KCND2: variants seen among roughly 807,000 people sequenced by gnomAD.
KCND2 encodes A-type voltage-gated potassium channel KCND2.
Under a neutral mutation model 54.4 loss-of-function variants are expected in KCND2, and 16 were observed. The ratio of observed to expected loss-of-function variants is 0.29; its 90% CI spans 0.20 to 0.45. KCND2 has a LOEUF of 0.45. Among genes scored for constraint, KCND2 ranks in the 20% least tolerant of loss-of-function variants. The probability of loss-of-function intolerance (pLI) is 1.00; values close to 1 mark genes in which losing one functional copy is unlikely to be tolerated. For missense variants in KCND2, 486 were observed against 824.2 expected (o/e 0.59, Z 5.02); for synonymous variants, 317 against 310.7 (o/e 1.02, Z -0.21).
At chr7:120,595,460 A>AATATATATATATATATATATGTGTAT (rs1792727451) in intron 1 of KCND2, among the ~76,000 whole-genome samples, 1 of 112,950 alleles carries the variant, frequency 8.9e-6, no homozygotes, top group African/African-American at 3.1e-5. Flanking sequence ...CCAAAAAAAA[A>AATATATATATATATATATATGTGTAT]ATATATATAT....
At chr7:120,387,324 G>A (rs890357705) in intron 1 of KCND2, among the ~76,000 whole-genome samples, 6 of 151,966 alleles carry the variant, frequency 3.9e-5, no homozygotes, top group African/African-American at 1.4e-4. Context: ...ATGTAACTTT[G>A]TTTTGCCCGT....
intron 1 of KCND2, among the ~76,000 whole-genome samples, chr7:120,315,700 A>G (rs1255804551): frequency 6.6e-6 from 1 of 151,084 alleles, no homozygotes; most frequent in Non-Finnish European, 1.5e-5. Flanking sequence ...GTCATAAATC[A>G]TTGTTGTCAA....
chr7:120,601,526 T>C (rs1215750010), intron 1 of KCND2, among the ~76,000 whole-genome samples: 2 of 152,164 alleles, frequency 1.3e-5, no homozygotes, highest in South Asian at 4.1e-4. Flanking sequence ...ATCATGTAGG[T>C]CAATGGTTGT....
chr7:120,460,997 A>G lies in KCND2; in HGVS notation c.1115+185250A>G, dbSNP rs1802276248. ...AAGGAAAAATGTGCCCCTTGTTTCTACTTCATGCTTTATTGTTAAACCTCT... is the reference window on the plus strand; with the variant it reads ...AAGGAAAAATGTGCCCCTTGTTTCTGCTTCATGCTTTATTGTTAAACCTCT... On this transcript the variant is annotated intron_variant, in intron 1 of 5. Transcript: ENST00000331113. Among the ~76,000 whole-genome samples, 8 of 152,306 alleles carry G rather than the reference A, an allele frequency of 5.3e-5. No homozygotes were observed. The South Asian group carries it at 1.7e-3, about 32-fold the overall frequency.
chr7:120,684,223 CA>C (rs1315691248), intron 1 of KCND2, among the ~76,000 whole-genome samples: 1 of 152,106 alleles, frequency 6.6e-6, no homozygotes, highest in Admixed American at 6.6e-5. Context: ...CCTTCAGAAA[CA>C]GCAAGTTCAC....
chr7:120,369,982 TA>T (rs1430330787), intron 1 of KCND2, among the ~76,000 whole-genome samples: 1 of 151,966 alleles, frequency 6.6e-6, no homozygotes, highest in Non-Finnish European at 1.5e-5. Context: ...ATGTGAGTCA[TA>T]GGGGCCAGAG....
rs959390705 is a variant in KCND2 at position 120,574,735 on chromosome 7, A to C, written c.1116-158168A>C. Among the ~76,000 whole-genome samples the C allele has an allele frequency of 2.0e-5, 3 of 152,074 alleles. No individual in the cohort carries two copies. In the East Asian group the frequency reaches 5.8e-4, roughly 29 times the overall value. On this transcript the variant is annotated intron_variant, in intron 1 of 5. Coordinates refer to ENST00000331113, the MANE Select transcript of KCND2 (RefSeq NM_012281.3). The stretch of plus-strand genomic sequence containing the variant: ...ATGTGCACCAAGGTTAAAACTCACC[A>C]TTCTAGGTTTTTTTTCTCTCTCTCT...
At chr7:120,689,009 T>C (rs537964053) in intron 1 of KCND2, among the ~76,000 whole-genome samples, 8 of 152,250 alleles carry the variant, frequency 5.3e-5, no homozygotes, top group African/African-American at 1.9e-4. Flanking sequence ...TACTCAATTC[T>C]CTCTTCCAAT....
At chr7:120,482,389 C>A (rs1021617816) in intron 1 of KCND2, among the ~76,000 whole-genome samples, 1 of 151,990 alleles carries the variant, frequency 6.6e-6, no homozygotes, top group Non-Finnish European at 1.5e-5. Context: ...GGCACTGGAA[C>A]CAGTTAAAAT....
intron 1 of KCND2, among the ~76,000 whole-genome samples, chr7:120,305,666 C>T (rs1469872116): frequency 1.3e-5 from 2 of 152,116 alleles, no homozygotes; most frequent in Non-Finnish European, 2.9e-5. Flanking sequence ...CCCAACCCTC[C>T]CAAGTATTTC....
At chr7:120,537,161 C>T (rs77819839) in intron 1 of KCND2, among the ~76,000 whole-genome samples, 2,077 of 152,280 alleles carry the variant, frequency 0.014, 101 homozygotes, top group Admixed American at 0.091. Flanking sequence ...ATACATGTTA[C>T]GTTAGCAGGC....
chr7:120,714,336 T>C (rs1454530320), intron 1 of KCND2, among the ~76,000 whole-genome samples: 7 of 152,122 alleles, frequency 4.6e-5, no homozygotes, highest in Non-Finnish European at 1.0e-4. Context: ...TTACTGCTTC[T>C]ATCTGATTGT....
chr7:120,304,335 C>T (rs1187920191), intron 1 of KCND2, among the ~76,000 whole-genome samples: 1 of 152,036 alleles, frequency 6.6e-6, no homozygotes, highest in Admixed American at 6.6e-5. Flanking sequence ...TATGTAATGA[C>T]CTTTGGAAAG....
chr7:120,327,956 C>A (rs1229901636), intron 1 of KCND2, among the ~76,000 whole-genome samples: 2 of 152,078 alleles, frequency 1.3e-5, no homozygotes, highest in Non-Finnish European at 2.9e-5. Context: ...AACTATGTCC[C>A]TAAATCTGCA....
At chr7:120,486,063 T>G (rs1238426996) in intron 1 of KCND2, among the ~76,000 whole-genome samples, 3 of 152,192 alleles carry the variant, frequency 2.0e-5, no homozygotes, top group Non-Finnish European at 4.4e-5. Context: ...AAACTATACC[T>G]CATATATTTG....
At chr7:120,381,505 A>G (rs1800914981) in intron 1 of KCND2, among the ~76,000 whole-genome samples, 1 of 152,132 alleles carries the variant, frequency 6.6e-6, no homozygotes, top group South Asian at 2.1e-4. Context: ...ATTCTGCCAA[A>G]TGCTTTATTT....
At chr7:120,649,727 T>A (rs983436958) in intron 1 of KCND2, among the ~76,000 whole-genome samples, 44 of 152,200 alleles carry the variant, frequency 2.9e-4, no homozygotes, top group African/African-American at 9.9e-4. Context: ...TCTTTACAAT[T>A]TGGCATGTTT....
chr7:120,432,349 C>T (rs1368460763), intron 1 of KCND2, among the ~76,000 whole-genome samples: 1 of 152,182 alleles, frequency 6.6e-6, no homozygotes, highest in Non-Finnish European at 1.5e-5. Flanking sequence ...TTGACACAGA[C>T]ACTTCATTGC....
At chr7:120,340,307 A>G (rs1049236707) in intron 1 of KCND2, among the ~76,000 whole-genome samples, 33 of 152,254 alleles carry the variant, frequency 2.2e-4, no homozygotes, top group Non-Finnish European at 8.8e-5. Context: ...AGATATTACA[A>G]TAGGATTTCC....
Sources: allele counts gnomAD v4.1 joint callset (sites outside exome capture counted in the v4.1 genomes callset), GRCh38; gene constraint gnomAD v4.1.1; transcripts MANE v1.5; gene names NCBI Gene and HGNC (gene_info 2026-07-23, HGNC 2026-07-21).